The following CNTN4 variants were observed in gnomAD, a reference collection of about 807,000 sequenced individuals.
CNTN4 encodes the protein contactin 4.
In CNTN4, 77 loss-of-function variants were observed where a neutral mutation model predicts 122.5. The observed-to-expected ratio is 0.63, with a 90% confidence interval of 0.52 to 0.76. The LOEUF is 0.76. Among genes scored for constraint, CNTN4 ranks in the 30% least tolerant of loss-of-function variants. The pLI, the probability that CNTN4 is intolerant of heterozygous loss-of-function variation, is 0.00. For synonymous variants in CNTN4, 512 were observed against 447.0 expected (o/e 1.15, Z -1.83); for missense variants, 1,256 against 1,259.1 (o/e 1.00, Z 0.04).
At chr3:3,043,550 A>C in intron 22 of CNTN4, 42 bp from the exon 23 acceptor site, 2 of 1,427,038 alleles carry the variant, frequency 1.4e-6, no homozygotes, top group Non-Finnish European at 2.0e-6. Flanking sequence ...ATCCATTGAG[A>C]CTTAATAATC....
intron 3 of CNTN4, among the ~76,000 whole-genome samples, chr3:2,361,532 C>A (rs1047329889): frequency 1.3e-5 from 2 of 152,142 alleles, no homozygotes; most frequent in Admixed American, 1.3e-4. Flanking sequence ...TGGGGTCATT[C>A]TGTGACTTTG....
chr3:2,271,359 C>T (rs2149817537), intron 2 of CNTN4, among the ~76,000 whole-genome samples: 1 of 152,126 alleles, frequency 6.6e-6, no homozygotes, highest in East Asian at 1.9e-4. Context: ...TTGAAGGAAC[C>T]TCAAATTTTG....
At chr3:2,871,480 TTTTGA>T (rs1165338547) in intron 8 of CNTN4, among the ~76,000 whole-genome samples, 6 of 152,140 alleles carry the variant, frequency 3.9e-5, no homozygotes, top group African/African-American at 1.4e-4. Flanking sequence ...TAGTGGTAAA[TTTTGA>T]TTTATTTTTT....
chr3:2,156,429 G>T (rs1428246261), intron 2 of CNTN4, among the ~76,000 whole-genome samples: 1 of 152,204 alleles, frequency 6.6e-6, no homozygotes, highest in Non-Finnish European at 1.5e-5. Flanking sequence ...GCGTCCTCAA[G>T]CAGCGCCACC....
At chr3:2,949,841 T>TA (rs2151586237) in intron 13 of CNTN4, among the ~76,000 whole-genome samples, 1 of 152,336 alleles carries the variant, frequency 6.6e-6, no homozygotes, top group East Asian at 1.9e-4. Context: ...CCCTAACTGA[T>TA]ATAGGCAAAC....
rs887365847 is a variant in CNTN4, at chr3:2,385,388, T to C, written c.-89+46155T>C. On this transcript the variant is annotated intron_variant, in intron 3 of 24. Coordinates refer to ENST00000418658, the MANE Select transcript of CNTN4 (RefSeq NM_175607.3). This position sits in a 1 kb window ranked among gnomAD's most constrained non-coding sequence, Gnocchi z 4.0. ...ATTAGCATACTTAAGGCAGAGTCTT[T>C]GTCCTTTTCTCCACTATTACCTGAG... Among the ~76,000 whole-genome samples the C allele has an allele frequency of 6.6e-6, 1 of 152,128 alleles. No individual in the cohort carries two copies.
At chr3:2,466,543 T>C (rs138496629) in intron 3 of CNTN4, among the ~76,000 whole-genome samples, 89 of 152,242 alleles carry the variant, frequency 5.8e-4, no homozygotes, top group African/African-American at 2.1e-3. Flanking sequence ...CTGGAATGAT[T>C]CATTCTTTCA....
intron 3 of CNTN4, among the ~76,000 whole-genome samples, chr3:2,354,256 C>T (rs2044771860): frequency 6.6e-6 from 1 of 152,148 alleles, no homozygotes; most frequent in Admixed American, 6.5e-5. Context: ...TTGGGCTGGG[C>T]ATGGTGGCTC....
chr3:2,763,449 G>A (rs568972378), intron 6 of CNTN4, among the ~76,000 whole-genome samples: 57 of 152,290 alleles, frequency 3.7e-4, no homozygotes, highest in African/African-American at 1.3e-3. Flanking sequence ...TTACTCTGTT[G>A]ATAGTTTCTT....
At chr3:2,922,519 C>T (rs1281260319) in intron 12 of CNTN4, among the ~76,000 whole-genome samples, 1 of 151,658 alleles carries the variant, frequency 6.6e-6, no homozygotes, top group Non-Finnish European at 1.5e-5. Flanking sequence ...AAAAGTACCA[C>T]AGTTTATGGT....
intron 2 of CNTN4, among the ~76,000 whole-genome samples, chr3:2,238,405 T>G (rs942395878): frequency 1.2e-4 from 18 of 152,122 alleles, no homozygotes; most frequent in East Asian, 1.2e-3. Context: ...AGTCCAAAAT[T>G]TATTTGCCAA....
chr3:2,886,309 A>G (rs2093977580), intron 9 of CNTN4, among the ~76,000 whole-genome samples: 1 of 151,630 alleles, frequency 6.6e-6, no homozygotes, highest in African/African-American at 2.4e-5. Flanking sequence ...AGGCAGGAGA[A>G]TCACTTGAAC....
chr3:2,803,721 G>A (rs2092400111), intron 6 of CNTN4, among the ~76,000 whole-genome samples: 1 of 151,856 alleles, frequency 6.6e-6, no homozygotes, highest in Admixed American at 6.6e-5. Context: ...CACCACGCCT[G>A]GCTAATTTTT....
chr3:2,368,275 G>A (rs571353794), intron 3 of CNTN4, among the ~76,000 whole-genome samples: 13 of 151,320 alleles, frequency 8.6e-5, no homozygotes, highest in South Asian at 4.2e-4. Context: ...CTCATGATCC[G>A]CCCGCCTCGG....
chr3:2,755,488 G>C (rs895551319), intron 6 of CNTN4, among the ~76,000 whole-genome samples: 4 of 152,148 alleles, frequency 2.6e-5, no homozygotes, highest in Admixed American at 2.0e-4. Context: ...CAAACTTGCT[G>C]AGTTTCTGAA....
chr3:2,417,720 G>C (rs914307503), intron 3 of CNTN4, among the ~76,000 whole-genome samples: 1 of 152,150 alleles, frequency 6.6e-6, no homozygotes, highest in Non-Finnish European at 1.5e-5. Context: ...GCCAAAACTT[G>C]GAAGCAACCA....
intron 4 of CNTN4, among the ~76,000 whole-genome samples, chr3:2,678,595 C>T (rs940687554): frequency 1.3e-5 from 2 of 152,030 alleles, no homozygotes; most frequent in African/African-American, 4.8e-5. Context: ...ATAAAGTGAC[C>T]CTGTTTGCAG....
chr3:2,449,590 G>C (rs1257381121), intron 3 of CNTN4, among the ~76,000 whole-genome samples: 1 of 147,050 alleles, frequency 6.8e-6, no homozygotes, highest in African/African-American at 2.5e-5. Flanking sequence ...ACTCCAGCCT[G>C]GGTGACAGAG....
chr3:2,170,805 A>G (rs2036469080), intron 2 of CNTN4, among the ~76,000 whole-genome samples: 1 of 152,214 alleles, frequency 6.6e-6, no homozygotes, highest in Non-Finnish European at 1.5e-5. Flanking sequence ...AGATGGATCA[A>G]TAGAAATAGA....
Sources: gnomAD v4.1 joint callset for allele counts (sites outside exome capture counted in the v4.1 genomes callset) on GRCh38, gnomAD v4.1.1 for gene constraint, Gnocchi (gnomAD v3.1) non-coding constraint, MANE v1.5 for transcripts, NCBI Gene and HGNC (gene_info 2026-07-23, HGNC 2026-07-21) for gene names.